Variants in APC observed in about 807,000 individuals in gnomAD.
The protein encoded by APC is APC regulator of Wnt signaling pathway.
APC carries 72 observed loss-of-function variants against 247.0 expected under a neutral mutation model. The observed-to-expected ratio is 0.29, with a 90% CI of 0.24 to 0.35. The LOEUF (loss-of-function observed/expected upper bound fraction) is 0.35, where lower values mean the gene tolerates loss of function less well. Among genes scored for constraint, APC ranks in the 10% least tolerant of loss-of-function variants. The pLI is 1.00. For missense variants in APC, 3,400 were observed against 3,360.7 expected (o/e 1.01, Z -0.29); for synonymous variants, 1,254 against 1,162.5 (o/e 1.08, Z -1.60).
intron 5 of APC, chr5:112,778,343 A>G (rs1488902300): frequency 6.6e-6 from 1 of 152,138 alleles, no homozygotes; most frequent in Non-Finnish European, 1.5e-5. Context: ...ATATAAGAAT[A>G]TTTCTCAAAT....
chr5:112,740,439 T>G (rs186631763), intron 1 of APC, among the ~76,000 whole-genome samples: 2 of 152,250 alleles, frequency 1.3e-5, no homozygotes, highest in Admixed American at 6.5e-5. Context: ...ATTGTGCTGT[T>G]TAAGGAATTT....
intron 13 of APC, among the ~76,000 whole-genome samples, 154 bp downstream of exon 13, chr5:112,828,160 C>T (rs573515845): frequency 6.6e-6 from 1 of 152,226 alleles, no homozygotes; most frequent in African/African-American, 2.4e-5. Flanking sequence ...TTCAGCCTCT[C>T]GAGGCTGGGC....
intron 5 of APC, chr5:112,778,166 CA>C (rs1757883427): frequency 9.5e-6 from 2 of 210,992 alleles, no homozygotes; most frequent in Admixed American, 9.6e-5. Flanking sequence ...CTATTTTTTG[CA>C]ATGTAGTTTT....
At chr5:112,835,573 T>A (rs78634291) in intron 15 of APC, among the ~76,000 whole-genome samples, 1 of 19,740 alleles carries the variant, frequency 5.1e-5, no homozygotes, top group Non-Finnish European at 1.0e-4. Context: ...ATAATAATAA[T>A]TTTTTTTTTT....
At chr5:112,754,680 A>G (rs562761388) in intron 1 of APC, among the ~76,000 whole-genome samples, 193 bp from the exon 2 acceptor site, 5 of 152,320 alleles carry the variant, frequency 3.3e-5, no homozygotes, top group South Asian at 4.1e-4. Flanking sequence ...ATTTATCTTG[A>G]ACTAAGACTC....
chr5:112,715,914 A>G (rs1751145861), intron 1 of APC, among the ~76,000 whole-genome samples: 1 of 152,146 alleles, frequency 6.6e-6, no homozygotes, highest in African/African-American at 2.4e-5. Flanking sequence ...ATTTACTGGC[A>G]TGAAATTGTT....
intron 8 of APC, among the ~76,000 whole-genome samples, chr5:112,809,895 G>A (rs1277059105): frequency 6.6e-6 from 1 of 152,164 alleles, no homozygotes; most frequent in Non-Finnish European, 1.5e-5. Context: ...TACTCGGGAG[G>A]CTGAGGCAGG....
At chr5:112,783,646 A>G (rs1758608707) in intron 6 of APC, 1 of 166,588 alleles carries the variant, frequency 6.0e-6, no homozygotes. Flanking sequence ...AAAAAAAAAA[A>G]AAGCTGAGTA....
Position 112,801,490 on chromosome 5 carries a change from C to A in APC, c.834+107C>A, listed in dbSNP as rs918475183. 2.9e-5 allele frequency: 23 copies of A among 802,324 alleles called. 1 individual carries two copies. Among genetic ancestry groups the A allele is most frequent in the Non-Finnish European group, 4.4e-5 (22 of 497,124 alleles). The allele number at this position is 802,324 out of a possible 1,614,324, so 49.7% of individuals were successfully genotyped here. A position where few individuals can be genotyped will look rare whatever the true frequency, so the allele number is the denominator to read the frequency against. ...TATAAATCTTACCTATTTTCTTAGTCCTGAATGCATATTTCCAGAAGCATT... is the reference window on the plus strand; with the variant it reads ...TATAAATCTTACCTATTTTCTTAGTACTGAATGCATATTTCCAGAAGCATT... On this transcript the variant is annotated intron_variant, in intron 8 of 15. Transcript: ENST00000257430.
chr5:112,804,253 G>A (rs1054828468), intron 8 of APC, among the ~76,000 whole-genome samples: 2 of 152,136 alleles, frequency 1.3e-5, no homozygotes, highest in Admixed American at 1.3e-4. Flanking sequence ...ATTTATCATT[G>A]GTTTAATTGT....
At chr5:112,827,371 C>T (rs1763813097) in intron 12 of APC, 124 bp downstream of exon 12, 3 of 1,116,532 alleles carry the variant, frequency 2.7e-6, no homozygotes, top group Admixed American at 3.9e-5. Context: ...CTGATAAAAA[C>T]CTGTGCTTCA....
At chr5:112,821,717 C>T (rs1763147289) in intron 10 of APC, among the ~76,000 whole-genome samples, 179 bp from the exon 11 acceptor site, 1 of 152,088 alleles carries the variant, frequency 6.6e-6, no homozygotes, top group African/African-American at 2.4e-5. Flanking sequence ...TCCCTTTATT[C>T]CTATTTTTTG....
chr5:112,832,636 G>A (rs759693714), intron 14 of APC, among the ~76,000 whole-genome samples: 12 of 152,096 alleles, frequency 7.9e-5, no homozygotes, highest in Non-Finnish European at 2.9e-5. Flanking sequence ...TGGGTCATCA[G>A]TACTCCCGCG....
rs1201812680 is a variant in APC at position 112,842,844 on chromosome 5, C to G, written c.7250C>G (p.Ser2417Cys). 2 of 1,613,868 alleles carry G rather than the reference C, an allele frequency of 1.2e-6. No homozygotes were observed. Among genetic ancestry groups the G allele is most frequent in the South Asian group, 1.1e-5 (1 of 91,070 alleles). ...GNGANKKVEL[S>C]RMSSTKSSGS... is the part of the protein sequence containing the mutation. The stretch of plus-strand genomic sequence containing the variant: ...GGAGCCAATAAAAAGGTAGAACTTT[C>G]TAGAATGTCTTCAACTAAATCAAGT... Residue 2417 changes from serine to cysteine, a missense_variant, in exon 16 of 16, where the codon TCT (serine) becomes TGT (cysteine). Transcript: ENST00000257430.
At chr5:112,808,921 C>T (rs764047198) in intron 8 of APC, among the ~76,000 whole-genome samples, 1 of 152,092 alleles carries the variant, frequency 6.6e-6, no homozygotes, top group Non-Finnish European at 1.5e-5. Context: ...TCGCAGGTTT[C>T]TGTTAGGCAG....
rs769727966 is a variant in APC at position 112,815,501 on chromosome 5, A to G, written c.841A>G (p.Thr281Ala). ...TAATGTGCTTAATTTTTAGGGTTCA[A>G]CTACACGAATGGACCATGAAACAGC... ...MATSGNGQGS[T>A]TRMDHETASV... Residue 281 changes from threonine (T) to alanine (A), a missense_variant, in exon 9 of 16, where the codon ACT becomes GCT. Coordinates refer to ENST00000257430, the MANE Select transcript of APC (RefSeq NM_000038.6). 5.0e-6 allele frequency: 8 copies of G among 1,610,932 alleles called. No individual in the cohort carries two copies. Among genetic ancestry groups the G allele is most frequent in the Non-Finnish European group, 5.9e-6 (7 of 1,177,880 alleles).
Position 112,838,941 on chromosome 5 carries a change from G to A in APC, c.3347G>A (p.Gly1116Asp), listed in dbSNP as rs730881224. The A allele has an allele frequency of 8.1e-6, 13 of 1,613,938 alleles. No individual in the cohort carries two copies. Among genetic ancestry groups the A allele is most frequent in the Middle Eastern group, 1.6e-4 (1 of 6,084 alleles). Residue 1116 changes from glycine to aspartate, a missense_variant, in exon 16 of 16, where the codon GGT (glycine) becomes GAT (aspartate). Gly to Asp is a moderately conservative substitution (Grantham distance 94). Coordinates refer to ENST00000257430, the MANE Select transcript of APC (RefSeq NM_000038.6). ...AATGGTTCAGAAACAAATCGAGTGG[G>A]TTCTAATCATGGAATTAATCAAAAT... ...GANGSETNRV[G>D]SNHGINQNVS...
At chr5:112,715,156 C>A (rs1188244028) in intron 1 of APC, among the ~76,000 whole-genome samples, 1 of 152,174 alleles carries the variant, frequency 6.6e-6, no homozygotes, top group Non-Finnish European at 1.5e-5. Flanking sequence ...CTGAATTCTA[C>A]TTGTGTTTTT....
At chr5:112,798,597 C>T (rs1259349928) in intron 7 of APC, among the ~76,000 whole-genome samples, 1 of 151,914 alleles carries the variant, frequency 6.6e-6, no homozygotes, top group African/African-American at 2.4e-5. Flanking sequence ...GAGTAGAAAA[C>T]CTTGGAGAAG....
Sources: allele counts gnomAD v4.1 joint callset (sites outside exome capture counted in the v4.1 genomes callset), GRCh38; gene constraint gnomAD v4.1.1; transcripts MANE v1.5; gene names NCBI Gene and HGNC (gene_info 2026-07-23, HGNC 2026-07-21).